Variants in KCNMA1 observed in about 807,000 individuals in gnomAD.
KCNMA1 encodes Calcium-activated potassium channel subunit alpha-1.
Under a neutral mutation model 140.0 loss-of-function variants are expected in KCNMA1, and 29 were observed. The ratio of observed to expected loss-of-function variants is 0.21; its 90% confidence interval spans 0.15 to 0.28. The LOEUF (loss-of-function observed/expected upper bound fraction) is 0.28. Ranked by LOEUF, KCNMA1 falls within the 10% of genes least tolerant of loss-of-function variation. The probability of loss-of-function intolerance (pLI) is 1.00; values close to 1 mark genes in which losing one functional copy is unlikely to be tolerated. For synonymous variants in KCNMA1, 612 were observed against 611.9 expected (o/e 1.00, Z 0.00); for missense variants, 880 against 1,602.2 (o/e 0.55, Z 7.70).
chr10:77,232,898 T>TG (rs932421030), intron 3 of KCNMA1, among the ~76,000 whole-genome samples: 3 of 151,598 alleles, frequency 2.0e-5, no homozygotes, highest in African/African-American at 7.3e-5. Flanking sequence ...TTTTTTTTTT[T>TG]TTTTTTGAGA....
At chr10:77,156,683 T>C (rs1338014355) in intron 5 of KCNMA1, among the ~76,000 whole-genome samples, 1 of 152,216 alleles carries the variant, frequency 6.6e-6, no homozygotes, top group East Asian at 1.9e-4. Flanking sequence ...AGGTCACAGA[T>C]TTGTAACTTC....
chr10:76,971,974 G>GGGGT (rs1555020887), intron 19 of KCNMA1, among the ~76,000 whole-genome samples: 3,867 of 148,874 alleles, frequency 0.026, 63 homozygotes, highest in Middle Eastern at 0.072. Context: ...AGGGTGTGTG[G>GGGGT]GTGTGTGTGT....
intron 1 of KCNMA1, among the ~76,000 whole-genome samples, chr10:77,588,994 T>TA (rs1334599224): frequency 2.0e-5 from 3 of 152,224 alleles, no homozygotes; most frequent in Non-Finnish European, 4.4e-5. Flanking sequence ...GCAGGCCAGT[T>TA]AGTCTCTGTA....
At chr10:76,941,937 C>G (rs1318485464) in intron 23 of KCNMA1, among the ~76,000 whole-genome samples, 1 of 152,034 alleles carries the variant, frequency 6.6e-6, no homozygotes, top group African/African-American at 2.4e-5. Context: ...AGGGGTCTCT[C>G]TCAGGCTTCT....
At chr10:77,236,781 C>T (rs999693981) in intron 3 of KCNMA1, among the ~76,000 whole-genome samples, 2 of 152,198 alleles carry the variant, frequency 1.3e-5, no homozygotes, top group Non-Finnish European at 2.9e-5. Context: ...ATATTTCCAT[C>T]TTGGGCTGAT....
intron 2 of KCNMA1, among the ~76,000 whole-genome samples, chr10:77,354,193 G>A (rs2093247590): frequency 6.6e-6 from 1 of 152,164 alleles, no homozygotes; most frequent in Non-Finnish European, 1.5e-5. Flanking sequence ...CACCATGTTG[G>A]CCATGATGGC....
At chr10:77,116,208 A>T (rs923230293) in intron 6 of KCNMA1, among the ~76,000 whole-genome samples, 1 of 152,176 alleles carries the variant, frequency 6.6e-6, no homozygotes, top group Non-Finnish European at 1.5e-5. Context: ...AATCATTCTC[A>T]TGTTGCCTAT....
chr10:76,952,289 G>C, intron 21 of KCNMA1: 4 of 978,606 alleles, frequency 4.1e-6, no homozygotes, highest in East Asian at 2.7e-5. Context: ...GGGAGGCCAA[G>C]GTTGGCGGAT....
At chr10:77,600,091 G>T (rs2082161305) in intron 1 of KCNMA1, among the ~76,000 whole-genome samples, 1 of 152,230 alleles carries the variant, frequency 6.6e-6, no homozygotes, top group Non-Finnish European at 1.5e-5. Context: ...AGGATGAGCA[G>T]TTCAGGATTC....
chr10:77,127,159 G>A (rs1213739286), intron 5 of KCNMA1, among the ~76,000 whole-genome samples: 1 of 150,986 alleles, frequency 6.6e-6, no homozygotes, highest in Non-Finnish European at 1.5e-5. Context: ...AATTACTGGT[G>A]AAATGATGAT....
intron 9 of KCNMA1, among the ~76,000 whole-genome samples, chr10:77,103,804 G>T (rs1420047972): frequency 6.6e-6 from 1 of 152,182 alleles, no homozygotes; most frequent in African/African-American, 2.4e-5. Context: ...CAATCCTGGG[G>T]CCAGGACCCT....
intron 1 of KCNMA1, among the ~76,000 whole-genome samples, chr10:77,478,280 C>T (rs972180780): frequency 5.9e-5 from 9 of 152,192 alleles, no homozygotes; most frequent in African/African-American, 2.2e-4. Flanking sequence ...TAATTCCCAA[C>T]AGAGCTGAGC....
chr10:77,287,990 G>C (rs988958023), intron 2 of KCNMA1, among the ~76,000 whole-genome samples: 1 of 152,226 alleles, frequency 6.6e-6, no homozygotes, highest in Non-Finnish European at 1.5e-5. Context: ...AGGGGATCAA[G>C]TGGCAATAAA....
intron 1 of KCNMA1, among the ~76,000 whole-genome samples, chr10:77,465,578 T>A (rs2097979296): frequency 6.6e-6 from 1 of 152,084 alleles, no homozygotes; most frequent in Admixed American, 6.5e-5. Context: ...ATGGGGATAA[T>A]AACAATGCCA....
At chr10:77,300,412 T>C (rs2076259855) in intron 2 of KCNMA1, among the ~76,000 whole-genome samples, 1 of 152,208 alleles carries the variant, frequency 6.6e-6, no homozygotes, top group African/African-American at 2.4e-5. Flanking sequence ...AGCATCTATC[T>C]CACAGGTAGA....
intron 15 of KCNMA1, among the ~76,000 whole-genome samples, chr10:77,030,593 A>C (rs1458912318): frequency 6.6e-6 from 1 of 152,202 alleles, no homozygotes; most frequent in Non-Finnish European, 1.5e-5. Context: ...CATTGCTTTT[A>C]TAAACCTAAT....
intron 1 of KCNMA1, among the ~76,000 whole-genome samples, chr10:77,437,499 A>C (rs535112096): frequency 1.3e-5 from 2 of 152,318 alleles, no homozygotes; most frequent in Admixed American, 1.3e-4. Flanking sequence ...ACAGCAGGTA[A>C]AATTTTGGAG....
At chr10:77,138,596 G>C (rs2098102185) in intron 5 of KCNMA1, among the ~76,000 whole-genome samples, 3 of 152,142 alleles carry the variant, frequency 2.0e-5, no homozygotes, top group Non-Finnish European at 2.9e-5. Flanking sequence ...CCAGAAAGCA[G>C]CCAGCATGGT....
chr10:76,996,703 A>G (rs1406450224), intron 19 of KCNMA1, among the ~76,000 whole-genome samples: 5 of 152,118 alleles, frequency 3.3e-5, no homozygotes, highest in Non-Finnish European at 7.4e-5. Flanking sequence ...AAACTAATAC[A>G]TGAAAAACTA....
Sources: gnomAD v4.1 joint callset for allele counts (sites outside exome capture counted in the v4.1 genomes callset) on GRCh38, gnomAD v4.1.1 for gene constraint, MANE v1.5 for transcripts, NCBI Gene and HGNC (gene_info 2026-07-23, HGNC 2026-07-21) for gene names.